The following AGPAT4 variants were observed in gnomAD, a reference collection of about 807,000 sequenced individuals.
The protein encoded by AGPAT4 is 1-acylglycerol-3-phosphate O-acyltransferase 4.
A neutral mutation model predicts 48.0 loss-of-function variants in AGPAT4; 15 were observed. That is an observed-to-expected ratio of 0.31 (90% CI 0.21 to 0.48). The LOEUF is 0.48. Among genes scored for constraint, AGPAT4 ranks in the 20% least tolerant of loss-of-function variants. AGPAT4 has a pLI of 0.99. For missense variants in AGPAT4, 314 were observed against 482.5 expected (o/e 0.65, Z 3.27); for synonymous variants, 178 against 198.7 (o/e 0.90, Z 0.88).
At chr6:161,170,272 T>C (rs941666907) in intron 2 of AGPAT4, among the ~76,000 whole-genome samples, 17 of 152,162 alleles carry the variant, frequency 1.1e-4, no homozygotes, top group African/African-American at 3.6e-4. Context: ...CCCCCACAGC[T>C]GAATAAGGCC....
At chr6:161,179,631 C>T (rs554935164) in intron 2 of AGPAT4, among the ~76,000 whole-genome samples, 16 of 152,244 alleles carry the variant, frequency 1.1e-4, no homozygotes, top group South Asian at 4.2e-4. Context: ...GATTTTCTTC[C>T]GCCTCTGCCA....
At chr6:161,265,240 G>A (rs1432355880) in intron 1 of AGPAT4, among the ~76,000 whole-genome samples, 1 of 5,244 alleles carries the variant, frequency 1.9e-4, no homozygotes, top group African/African-American at 1.7e-3. Context: ...AGTACCCACC[G>A]CTGGACTGGG....
In AGPAT4 at chr6:161,130,530, A is replaced by G. The variant is rs1206772233; in HGVS notation, c.*6010T>C. On this transcript the variant is annotated 3_prime_UTR_variant, in exon 9 of 9. Transcript: ENST00000320285. ...ATCATGAACCCTGGGTACAATTGATACAGGCTGAGAAGTAAGAATTCACTG... is the reference window on the plus strand; with the variant it reads ...ATCATGAACCCTGGGTACAATTGATGCAGGCTGAGAAGTAAGAATTCACTG... 1.1e-5 allele frequency: 2 copies of G among 181,554 alleles called. No homozygotes were observed. Among genetic ancestry groups the G allele is most frequent in the African/African-American group, 4.7e-5 (2 of 42,906 alleles). 11.2% of individuals were successfully genotyped at this position (181,554 alleles called of 1,614,324 possible).
rs1779514763 is a variant in AGPAT4, at chr6:161,148,984, A to G, written c.767+203T>C. ...GCTCTTTGATACGAAAAAGCTGGTT[A>G]CAGAGGATCCGGAAGGAGCTGGGAC... On this transcript the variant is annotated intron_variant, in intron 6 of 8. Coordinates refer to ENST00000320285, the MANE Select transcript of AGPAT4 (RefSeq NM_020133.3). The surrounding 1 kb of genome is among the most constrained non-coding windows in gnomAD (Gnocchi z 5.5). Among the ~76,000 whole-genome samples, 1 of 152,258 alleles carries G rather than the reference A, an allele frequency of 6.6e-6. No individual in the cohort carries two copies. Among genetic ancestry groups the G allele is most frequent in the African/African-American group, 2.4e-5 (1 of 41,470 alleles).
At position 161,157,065 on chromosome 6, in the gene AGPAT4, T is replaced by C. The variant is rs572744197; in HGVS notation, c.349-2755A>G. On this transcript the variant is annotated intron_variant, in intron 3 of 8. Coordinates refer to ENST00000320285, the MANE Select transcript of AGPAT4 (RefSeq NM_020133.3). The stretch of plus-strand genomic sequence containing the variant: ...GGCTGTGAGACCCCTGATTTCCCAC[T>C]TCACATCTCTATATTTCTGTGTGTC... 2.7e-3 allele frequency among the ~76,000 whole-genome samples: 417 copies of C among 152,360 alleles called. 1 individual carries two copies. Among genetic ancestry groups the C allele is most frequent in the African/African-American group, 9.7e-3 (404 of 41,584 alleles).
chr6:161,149,157 C>CT lies in AGPAT4; in HGVS notation c.767+29dup, dbSNP rs1418517671. The CT allele has an allele frequency of 6.2e-7, 1 of 1,605,288 alleles. No individual in the cohort carries two copies. Among genetic ancestry groups the CT allele is most frequent in the Admixed American group, 1.7e-5 (1 of 58,134 alleles). ...GTGTTTACTTTGAAATGGGCACTGT[C>CT]TTTTCTGGAAAGGAAACAGTTCGAC... is the stretch of plus-strand genomic sequence containing the variant. On this transcript the variant is annotated intron_variant, in intron 6 of 8. Transcript: ENST00000320285. The surrounding 1 kb of genome is among the most constrained non-coding windows in gnomAD (Gnocchi z 6.5).
At chr6:161,157,229 A>G (rs1241925287) in intron 3 of AGPAT4, among the ~76,000 whole-genome samples, 1 of 152,252 alleles carries the variant, frequency 6.6e-6, no homozygotes, top group Non-Finnish European at 1.5e-5. Flanking sequence ...TATCCCTGTA[A>G]CAATGTCACT....
chr6:161,149,163 T>G lies in AGPAT4; in HGVS notation c.767+24A>C, dbSNP rs370825906. 2 of 1,606,952 alleles carry G rather than the reference T, an allele frequency of 1.2e-6. No homozygotes were observed. The highest frequency in any genetic ancestry group is 4.5e-5 in the East Asian group (2 of 44,846). ...ACTTTGAAATGGGCACTGTCTTTTC[T>G]GGAAAGGAAACAGTTCGACTTACCT... On this transcript the variant is annotated intron_variant, in intron 6 of 8. Coordinates refer to ENST00000320285, the MANE Select transcript of AGPAT4 (RefSeq NM_020133.3). This position sits in a 1 kb window ranked among gnomAD's most constrained non-coding sequence, Gnocchi z 6.5.
rs181910929 is a variant in AGPAT4, at chr6:161,262,995, G to A, written c.-90+10943C>T. ...AAAGCGAGGGAAGGCCCACCAAGGC[G>A]AGTGACCAGAGGCAGAAGAGACAGA... On this transcript the variant is annotated intron_variant, in intron 1 of 8. Transcript: ENST00000320285. The surrounding 1 kb of genome is among the most constrained non-coding windows in gnomAD (Gnocchi z 4.9). Among the ~76,000 whole-genome samples, 4 of 152,248 alleles carry A rather than the reference G, an allele frequency of 2.6e-5. No individual in the cohort carries two copies. Among genetic ancestry groups the A allele is most frequent in the Middle Eastern group, 3.4e-3 (1 of 294 alleles).
In AGPAT4 at chr6:161,131,166, T is replaced by G. The variant is rs1778889036; in HGVS notation, c.*5374A>C. On this transcript the variant is annotated 3_prime_UTR_variant, in exon 9 of 9. Transcript: ENST00000320285. Reference sequence around the variant, plus strand: ...ACTGCCTTGTTTTAAAAAAACAAATTAAATGTAAAAATTGTATGACTCTTA... The same window carrying G: ...ACTGCCTTGTTTTAAAAAAACAAATGAAATGTAAAAATTGTATGACTCTTA... 1 of 296,728 alleles carries G rather than the reference T, an allele frequency of 3.4e-6. No homozygotes were observed. Among genetic ancestry groups the G allele is most frequent in the African/African-American group, 2.2e-5 (1 of 45,974 alleles). The allele number at this position is 296,728 out of a possible 1,614,324, so 18.4% of individuals were successfully genotyped here.
At position 161,259,210 on chromosome 6, in the gene AGPAT4, G is replaced by A. The variant is rs568644673; in HGVS notation, c.-90+14728C>T. On this transcript the variant is annotated intron_variant, in intron 1 of 8. Coordinates refer to ENST00000320285, the MANE Select transcript of AGPAT4 (RefSeq NM_020133.3). This position sits in a 1 kb window ranked among gnomAD's most constrained non-coding sequence, Gnocchi z 4.9. ...ATTAAATGAAGCTCGCTAACGTATC[G>A]ATCACTTCCCATACTTATTTTTCTT... Among the ~76,000 whole-genome samples the A allele has an allele frequency of 7.9e-5, 12 of 152,118 alleles. No individual in the cohort carries two copies. Among genetic ancestry groups the A allele is most frequent in the Admixed American group, 6.5e-5 (1 of 15,288 alleles).
chr6:161,176,067 AG>A (rs1400744602), intron 2 of AGPAT4, among the ~76,000 whole-genome samples: 1 of 152,226 alleles, frequency 6.6e-6, no homozygotes, highest in African/African-American at 2.4e-5. Flanking sequence ...CTATGTGGTC[AG>A]TTTTGGAATA....
At position 161,144,957 on chromosome 6, in the gene AGPAT4, G is replaced by C. The variant is rs1779373176; in HGVS notation, c.843+1567C>G. On this transcript the variant is annotated intron_variant, in intron 7 of 8. Coordinates refer to ENST00000320285, the MANE Select transcript of AGPAT4 (RefSeq NM_020133.3). This position sits in a 1 kb window ranked among gnomAD's most constrained non-coding sequence, Gnocchi z 6.6. ...GATCGCGCCACTGCACTCCAGCCTG[G>C]GAGACAGAGTGAAACTCAGTCTCAA... Among the ~76,000 whole-genome samples, 1 of 151,668 alleles carries C rather than the reference G, an allele frequency of 6.6e-6. No homozygotes were observed. The highest frequency in any genetic ancestry group is 2.4e-5 in the African/African-American group (1 of 41,054).
rs1220757648 is a variant in AGPAT4 at position 161,147,455 on chromosome 6, C to T, written c.768-856G>A. Among the ~76,000 whole-genome samples, 12 of 152,152 alleles carry T rather than the reference C, an allele frequency of 7.9e-5. No homozygotes were observed. The highest frequency in any genetic ancestry group is 7.9e-4 in the Admixed American group (12 of 15,270). ...CTGCATCTGGCTTGATTTCTCAGGT[C>T]ACTTCACTCCCTTCTATGGCCTAAG... On this transcript the variant is annotated intron_variant, in intron 6 of 8. Transcript: ENST00000320285. This position sits in a 1 kb window ranked among gnomAD's most constrained non-coding sequence, Gnocchi z 4.8.
Position 161,231,036 on chromosome 6 carries a change from G to C in AGPAT4, c.178+1000C>G, listed in dbSNP as rs1372371504. On this transcript the variant is annotated intron_variant, in intron 2 of 8. Transcript: ENST00000320285. The surrounding 1 kb of genome is among the most constrained non-coding windows in gnomAD (Gnocchi z 5.3). Reference sequence around the variant, plus strand: ...AATTATACATAGCTTGAATTGTCTTGATTCAAATTCAAATTTGATCATTTT... The same window carrying C: ...AATTATACATAGCTTGAATTGTCTTCATTCAAATTCAAATTTGATCATTTT... Among the ~76,000 whole-genome samples, 2 of 147,136 alleles carry C rather than the reference G, an allele frequency of 1.4e-5. No individual in the cohort carries two copies. Among genetic ancestry groups the C allele is most frequent in the African/African-American group, 5.2e-5 (2 of 38,166 alleles).
chr6:161,187,973 C>G (rs995915401), intron 2 of AGPAT4, among the ~76,000 whole-genome samples: 1 of 152,194 alleles, frequency 6.6e-6, no homozygotes, highest in African/African-American at 2.4e-5. Context: ...TCTTCTCTCA[C>G]CTTTCCCTTA....
In AGPAT4 at chr6:161,220,575, CCAAA is replaced by C. The variant is rs1038220733; in HGVS notation, c.178+11457_178+11460del. ...CAAAGACTTGTTGCCCTCTTTTTGG[CCAAA>C]CAAAGACGCTGCCAGTAAGACAGAA... On this transcript the variant is annotated intron_variant, in intron 2 of 8. Transcript: ENST00000320285. The surrounding 1 kb of genome is among the most constrained non-coding windows in gnomAD (Gnocchi z 6.0). Among the ~76,000 whole-genome samples, 3 of 152,064 alleles carry C rather than the reference CCAAA, an allele frequency of 2.0e-5. No homozygotes were observed. Among genetic ancestry groups the C allele is most frequent in the African/African-American group, 4.8e-5 (2 of 41,416 alleles).
chr6:161,175,296 T>C lies in AGPAT4; in HGVS notation c.179-8879A>G, dbSNP rs547933216. ...CTGGTCCTGGACTTTTTTTGGTTGG[T>C]AGGCTATTAATTATTGCCTCAATTT... On this transcript the variant is annotated intron_variant, in intron 2 of 8. Coordinates refer to ENST00000320285, the MANE Select transcript of AGPAT4 (RefSeq NM_020133.3). Among the ~76,000 whole-genome samples the C allele has an allele frequency of 3.3e-5, 5 of 152,356 alleles. No individual in the cohort carries two copies. In the East Asian group the frequency reaches 9.7e-4, roughly 29 times the overall value.
intron 2 of AGPAT4, among the ~76,000 whole-genome samples, chr6:161,199,757 C>T (rs1268785882): frequency 1.3e-5 from 2 of 152,154 alleles, no homozygotes; most frequent in African/African-American, 4.8e-5. Context: ...CCTCCGGCCA[C>T]GTAAAGATGT....
Sources: gnomAD v4.1 joint callset for allele counts (sites outside exome capture counted in the v4.1 genomes callset) on GRCh38, gnomAD v4.1.1 for gene constraint, Gnocchi (gnomAD v3.1) non-coding constraint, MANE v1.5 for transcripts, NCBI Gene and HGNC (gene_info 2026-07-23, HGNC 2026-07-21) for gene names.